The following SLC39A10 variants were observed in gnomAD, a reference collection of about 807,000 sequenced individuals.
SLC39A10 encodes solute carrier family 39 member 10, also known as zinc transporter ZIP10.
SLC39A10 carries 13 observed loss-of-function variants against 65.1 expected under a neutral mutation model. The ratio of observed to expected loss-of-function variants is 0.20; its 90% CI spans 0.13 to 0.32. SLC39A10 has a LOEUF of 0.32. Ranked by LOEUF, SLC39A10 falls within the 10% of genes least tolerant of loss-of-function variation. SLC39A10 has a pLI of 1.00. For synonymous variants in SLC39A10, 321 were observed against 342.2 expected, an observed-to-expected ratio of 0.94 and a Z score of 0.68; for missense variants, 831 against 1,018.4, an observed-to-expected ratio of 0.82 and a Z score of 2.50.
intron 2 of SLC39A10, among the ~76,000 whole-genome samples, chr2:195,633,601 G>T (rs1489060115): frequency 6.6e-6 from 1 of 152,194 alleles, no homozygotes; most frequent in Non-Finnish European, 1.5e-5. Context: ...TCACAGGAAA[G>T]AACTGAAGGA....
At chr2:195,636,993 A>C (rs923300617) in intron 2 of SLC39A10, among the ~76,000 whole-genome samples, 1 of 152,164 alleles carries the variant, frequency 6.6e-6, no homozygotes, top group African/African-American at 2.4e-5. Context: ...GGCCTCCCCT[A>C]TGTACCTAAT....
In SLC39A10 at chr2:195,663,443, A is replaced by T. The variant is rs560116282; in HGVS notation, c.-12+6162A>T. ...ATTTATTTAAATACTTTATCAATAT[A>T]AATGAAACAATACATGGTGTGTTAC... On this transcript the variant is annotated intron_variant, in intron 1 of 9. Coordinates refer to ENST00000359634, the MANE Select transcript of SLC39A10 (RefSeq NM_020342.3). 1.1e-3 allele frequency among the ~76,000 whole-genome samples: 164 copies of T among 152,334 alleles called. 2 individuals carry two copies. The highest frequency in any genetic ancestry group is 3.8e-3 in the African/African-American group (156 of 41,582).
At chr2:195,694,759 C>T (rs1345332770) in intron 3 of SLC39A10, among the ~76,000 whole-genome samples, 2 of 152,178 alleles carry the variant, frequency 1.3e-5, no homozygotes, top group African/African-American at 4.8e-5. Flanking sequence ...TTCAAGAGTG[C>T]ATCAGCTGCA....
intron 5 of SLC39A10, among the ~76,000 whole-genome samples, chr2:195,713,135 CAT>C (rs749906673): frequency 2.5e-4 from 38 of 152,240 alleles, no homozygotes; most frequent in East Asian, 1.7e-3. Context: ...AGATTTTACA[CAT>C]GTTATACACG....
intron 3 of SLC39A10, among the ~76,000 whole-genome samples, chr2:195,684,854 G>T (rs559890190): frequency 6.6e-6 from 1 of 152,056 alleles, no homozygotes; most frequent in Non-Finnish European, 1.5e-5. Flanking sequence ...TTCTGACACA[G>T]AATTTTTTCT....
chr2:195,726,123 A>C (rs1256434839), intron 8 of SLC39A10, among the ~76,000 whole-genome samples: 2 of 152,214 alleles, frequency 1.3e-5, no homozygotes, highest in African/African-American at 4.8e-5. Flanking sequence ...GTTCGCCTTG[A>C]ATCTTGATTT....
chr2:195,668,527 C>T (rs1161063804), intron 1 of SLC39A10, among the ~76,000 whole-genome samples: 1 of 152,158 alleles, frequency 6.6e-6, no homozygotes, highest in African/African-American at 2.4e-5. Context: ...AGTATCTTTC[C>T]CCATCATTAT....
At chr2:195,712,178 CTTTCTAGGAGA>C in intron 5 of SLC39A10, among the ~76,000 whole-genome samples, 1 of 152,356 alleles carries the variant, frequency 6.6e-6, no homozygotes, top group East Asian at 1.9e-4. Flanking sequence ...CATGGCTTCT[CTTTCTAGGAGA>C]GACCAATCTT....
intron 2 of SLC39A10, among the ~76,000 whole-genome samples, chr2:195,638,124 T>C (rs765456136): frequency 2.6e-5 from 4 of 151,976 alleles, no homozygotes; most frequent in Non-Finnish European, 5.9e-5. Context: ...AAGTAAGAGG[T>C]CAACAATAAT....
intron 3 of SLC39A10, among the ~76,000 whole-genome samples, chr2:195,691,229 C>CTA (rs149452525): frequency 0.023 from 3,535 of 151,968 alleles, 128 homozygotes; most frequent in African/African-American, 0.079. Flanking sequence ...ATATGTGTAT[C>CTA]TATATATATA....
At chr2:195,715,765 A>C (rs1406740356) in intron 6 of SLC39A10, among the ~76,000 whole-genome samples, 2 of 152,228 alleles carry the variant, frequency 1.3e-5, no homozygotes, top group Admixed American at 1.3e-4. Flanking sequence ...AATAAACGTG[A>C]AGTCAGAAAA....
At chr2:195,655,545 G>A (rs1689128575), upstream of SLC39A10, among the ~76,000 whole-genome samples, 1 of 152,186 alleles carries the variant, frequency 6.6e-6, no homozygotes, top group Non-Finnish European at 1.5e-5. Context: ...GTACTATCAT[G>A]ATTTTATGAA....
At chr2:195,686,207 A>G (rs1690517340) in intron 3 of SLC39A10, among the ~76,000 whole-genome samples, 2 of 152,226 alleles carry the variant, frequency 1.3e-5, no homozygotes, top group African/African-American at 2.4e-5. Flanking sequence ...GGAATAAGGT[A>G]GACATCCCAT....
At chr2:195,674,716 A>G in intron 1 of SLC39A10, 2 of 905,694 alleles carry the variant, frequency 2.2e-6, no homozygotes, top group Non-Finnish European at 2.6e-6. Flanking sequence ...TGATTTTGTC[A>G]TTGTGTGAAC....
chr2:195,636,773 T>C (rs990569038), intron 2 of SLC39A10, among the ~76,000 whole-genome samples: 16 of 151,348 alleles, frequency 1.1e-4, no homozygotes, highest in Non-Finnish European at 1.5e-5. Context: ...ATTAAAAAGT[T>C]TTAAATAATC....
At chr2:195,681,178 A>C in intron 2 of SLC39A10, 128 bp downstream of exon 2, 1 of 924,002 alleles carries the variant, frequency 1.1e-6, no homozygotes, top group Non-Finnish European at 1.6e-6. Flanking sequence ...TTTACCTATG[A>C]AATATCAGGT....
chr2:195,716,888 C>T lies in SLC39A10; in HGVS notation c.1948C>T (p.His650Tyr). ...CCAGTGGCACCACAAGCATTCTCAT[C>T]ATTCCCATGGCCCCTGTCATTCTGG... ...NHQWHHKHSH[H>Y]SHGPCHSGSD... Residue 650 changes from histidine (H) to tyrosine (Y), a missense_variant, in exon 7 of 10, where the codon CAT becomes TAT. Physicochemically the swap from His to Tyr is moderately conservative, Grantham distance 83. Around this residue, in one of 4 missense-constraint regions of SLC39A10, gnomAD observed 230 missense variants for 242.9 expected, o/e 0.95. Transcript: ENST00000359634. The T allele has an allele frequency of 1.2e-6, 2 of 1,614,206 alleles. No individual in the cohort carries two copies. Among genetic ancestry groups the T allele is most frequent in the South Asian group, 1.1e-5 (1 of 91,084 alleles).
At chr2:195,734,328 G>A (rs375365666) in intron 9 of SLC39A10, among the ~76,000 whole-genome samples, 18 of 151,924 alleles carry the variant, frequency 1.2e-4, no homozygotes, top group African/African-American at 3.4e-4. Flanking sequence ...GCCCCACCAC[G>A]CCCAGCTAAT....
At chr2:195,669,452 T>C (rs533072260) in intron 1 of SLC39A10, among the ~76,000 whole-genome samples, 4 of 152,324 alleles carry the variant, frequency 2.6e-5, no homozygotes, top group African/African-American at 9.6e-5. Flanking sequence ...AGATTCCTTG[T>C]ACATAACATT....
Sources: gnomAD v4.1 joint callset for allele counts (sites outside exome capture counted in the v4.1 genomes callset) on GRCh38, gnomAD v4.1.1 for gene constraint, gnomAD v4.1.1 regional missense constraint, MANE v1.5 for transcripts, NCBI Gene and HGNC (gene_info 2026-07-23, HGNC 2026-07-21) for gene names.